Variants in PIGL observed in about 807,000 individuals in gnomAD.
PIGL encodes N-acetylglucosaminyl-phosphatidylinositol de-N-acetylase.
In PIGL, 22 loss-of-function variants were observed where a neutral mutation model predicts 31.1. The observed-to-expected ratio is 0.71, with a 90% CI of 0.51 to 1.01. The LOEUF (loss-of-function observed/expected upper bound fraction) is 1.01. Among genes scored for constraint, PIGL ranks in the 50% least tolerant of loss-of-function variants. The probability of loss-of-function intolerance (pLI) is 0.00; values close to 1 mark genes in which losing one functional copy is unlikely to be tolerated. For synonymous variants in PIGL, 131 were observed against 117.4 expected, an observed-to-expected ratio of 1.12 and a Z score of -0.75; for missense variants, 302 against 315.9, an observed-to-expected ratio of 0.96 and a Z score of 0.33.
At chr17:16,303,844 AGCTGGGACTACAG>A (rs1364947268) in intron 3 of PIGL, among the ~76,000 whole-genome samples, 1 of 151,936 alleles carries the variant, frequency 6.6e-6, no homozygotes. Flanking sequence ...CCTCCTGAGT[AGCTGGGACTACAG>A]GCGCCCGCCA....
chr17:16,236,249 C>G (rs886311548), intron 2 of PIGL, among the ~76,000 whole-genome samples: 1 of 152,148 alleles, frequency 6.6e-6, no homozygotes, highest in Non-Finnish European at 1.5e-5. Context: ...TGGGAGGACA[C>G]CTAACTTTCA....
intron 6 of PIGL, 66 bp downstream of exon 6, chr17:16,317,974 G>A (rs2093085653): frequency 7.2e-7 from 1 of 1,385,204 alleles, no homozygotes; most frequent in Admixed American, 1.7e-5. Context: ...TCTCCTCAAA[G>A]CCCCACCTCT....
At chr17:16,310,967 G>A (rs1438096724) in intron 3 of PIGL, among the ~76,000 whole-genome samples, 2 of 152,202 alleles carry the variant, frequency 1.3e-5, no homozygotes, top group Non-Finnish European at 2.9e-5. Context: ...ACTTCCTCAG[G>A]TGTAAGATAG....
intron 6 of PIGL, chr17:16,324,468 C>T (rs1046274079): frequency 1.3e-5 from 2 of 152,196 alleles, no homozygotes; most frequent in Non-Finnish European, 2.9e-5. Flanking sequence ...TCAAGCAATT[C>T]TCCTGCCTCA....
In PIGL at chr17:16,217,277, C is replaced by T; in HGVS notation, c.51C>T (p.Gly17=). ...LCVALAVLAW[G]FLWVWDSSER... ...TGGCGTTGGCGGTCTTGGCATGGGG[C>T]TTCCTCTGGGTTTGGGACTCCTCAG... Residue 17 remains glycine (G), a synonymous_variant, in exon 1 of 7, where the codon GGC becomes GGT. Coordinates refer to ENST00000225609, the MANE Select transcript of PIGL (RefSeq NM_004278.4). 6.2e-7 allele frequency: 1 copy of T among 1,614,204 alleles called. No individual in the cohort carries two copies. Among genetic ancestry groups the T allele is most frequent in the Non-Finnish European group, 8.5e-7 (1 of 1,180,038 alleles).
intron 2 of PIGL, among the ~76,000 whole-genome samples, chr17:16,245,763 T>C (rs555873799): frequency 6.6e-6 from 1 of 150,666 alleles, no homozygotes; most frequent in South Asian, 2.1e-4. Flanking sequence ...CACATATATA[T>C]ATACATACAC....
At chr17:16,315,607 T>C (rs1189286634) in intron 4 of PIGL, among the ~76,000 whole-genome samples, 1 of 151,856 alleles carries the variant, frequency 6.6e-6, no homozygotes, top group Non-Finnish European at 1.5e-5. Context: ...GACATCAGAA[T>C]ATCCACAGGG....
intron 3 of PIGL, among the ~76,000 whole-genome samples, chr17:16,302,418 G>A (rs776837663): frequency 6.6e-6 from 1 of 151,946 alleles, no homozygotes; most frequent in Non-Finnish European, 1.5e-5. Flanking sequence ...CCACAGCCTC[G>A]ATATGTAGAC....
At chr17:16,296,924 G>A (rs981069664) in intron 2 of PIGL, among the ~76,000 whole-genome samples, 3 of 151,872 alleles carry the variant, frequency 2.0e-5, no homozygotes, top group East Asian at 1.9e-4. Flanking sequence ...GTTTCACCGT[G>A]TTAGCCAGGA....
intron 4 of PIGL, 56 bp from the exon 5 acceptor site, chr17:16,316,625 T>G: frequency 6.5e-7 from 1 of 1,535,010 alleles, no homozygotes; most frequent in Non-Finnish European, 8.9e-7. Context: ...CCCCTCCTGT[T>G]ACCTACAAAG....
At chr17:16,296,622 G>A (rs1310342353) in intron 2 of PIGL, among the ~76,000 whole-genome samples, 18 of 147,960 alleles carry the variant, frequency 1.2e-4, no homozygotes, top group Non-Finnish European at 2.5e-4. Context: ...AAAAAAAAAA[G>A]AAAAAAGAAA....
chr17:16,300,210 A>G lies in PIGL; in HGVS notation c.426+232A>G, dbSNP rs143033652. ...CTGAATAACTAAATTATCAGTGCTC[A>G]GATAGAGGCAGAAGTTTTTTCTAAA... On this transcript the variant is annotated intron_variant, in intron 3 of 6. Transcript: ENST00000225609. 254 of 477,108 alleles carry G rather than the reference A, an allele frequency of 5.3e-4. 1 individual carries two copies. In the East Asian group the frequency reaches 8.0e-3, roughly 15 times the overall value. The allele number at this position is 477,108 out of a possible 1,614,324, so 29.6% of individuals were successfully genotyped here.
At chr17:16,299,332 G>A (rs1379705334) in intron 2 of PIGL, among the ~76,000 whole-genome samples, 1 of 152,000 alleles carries the variant, frequency 6.6e-6, no homozygotes, top group Non-Finnish European at 1.5e-5. Context: ...GTGGGTGCCT[G>A]TAATCCCAGC....
intron 2 of PIGL, among the ~76,000 whole-genome samples, chr17:16,247,055 C>T (rs1044485998): frequency 1.3e-5 from 2 of 152,112 alleles, no homozygotes; most frequent in Non-Finnish European, 2.9e-5. Flanking sequence ...ATGACCTTCT[C>T]GCTATGTTCT....
At chr17:16,283,307 C>T (rs999132475) in intron 2 of PIGL, among the ~76,000 whole-genome samples, 2 of 152,042 alleles carry the variant, frequency 1.3e-5, no homozygotes, top group Non-Finnish European at 1.5e-5. Context: ...CTGGCCAAAA[C>T]AATTGTTTTA....
chr17:16,243,420 A>T (rs2092731266), intron 2 of PIGL, among the ~76,000 whole-genome samples: 1 of 152,166 alleles, frequency 6.6e-6, no homozygotes, highest in Admixed American at 6.6e-5. Flanking sequence ...TGGGGTGGGG[A>T]TCCCATTCAT....
chr17:16,321,237 CTTTTT>C (rs772667855), intron 6 of PIGL, among the ~76,000 whole-genome samples: 1 of 119,842 alleles, frequency 8.3e-6, no homozygotes, highest in Non-Finnish European at 1.7e-5. Context: ...TGCGCCGGGC[CTTTTT>C]TTTTTTTTTT....
chr17:16,221,712 TG>T (rs1484949035), intron 1 of PIGL, among the ~76,000 whole-genome samples: 1 of 152,142 alleles, frequency 6.6e-6, no homozygotes, highest in Non-Finnish European at 1.5e-5. Flanking sequence ...CTCCGCCTCC[TG>T]GGTTCAAGTG....
intron 1 of PIGL, among the ~76,000 whole-genome samples, chr17:16,226,469 A>T (rs931575052): frequency 2.0e-5 from 3 of 152,136 alleles, no homozygotes; most frequent in African/African-American, 7.2e-5. Flanking sequence ...TTTATGACCT[A>T]TCCTTAAAAA....
Sources: allele counts gnomAD v4.1 joint callset (sites outside exome capture counted in the v4.1 genomes callset), GRCh38; gene constraint gnomAD v4.1.1; transcripts MANE v1.5; gene names NCBI Gene and HGNC (gene_info 2026-07-23, HGNC 2026-07-21).